Variants in LCA5 observed in about 807,000 individuals in gnomAD.
LCA5 encodes lebercilin.
Under a neutral mutation model 53.0 loss-of-function variants are expected in LCA5, and 37 were observed. The observed-to-expected ratio is 0.70, with a 90% CI of 0.54 to 0.92. The LOEUF (loss-of-function observed/expected upper bound fraction) is 0.92, where lower values mean the gene tolerates loss of function less well. Among genes scored for constraint, LCA5 ranks in the 40% least tolerant of loss-of-function variants. The probability of loss-of-function intolerance (pLI) is 0.00; values close to 1 mark genes in which losing one functional copy is unlikely to be tolerated. For missense variants in LCA5, 806 were observed against 790.5 expected (o/e 1.02, Z -0.23); for synonymous variants, 303 against 282.9 (o/e 1.07, Z -0.71).
intron 3 of LCA5, among the ~76,000 whole-genome samples, chr6:79,504,635 C>G (rs908750780): frequency 1.3e-5 from 2 of 152,028 alleles, no homozygotes; most frequent in African/African-American, 4.8e-5. Flanking sequence ...GATTATAGGT[C>G]ACTATGTATG....
chr6:79,491,481 A>G (rs1370233872), intron 6 of LCA5, 107 bp downstream of exon 6: 5 of 1,172,238 alleles, frequency 4.3e-6, no homozygotes, highest in African/African-American at 3.0e-5. Flanking sequence ...GCATATTCAT[A>G]TAGATATAGT....
At chr6:79,501,724 T>C (rs1770144565) in intron 3 of LCA5, among the ~76,000 whole-genome samples, 1 of 150,708 alleles carries the variant, frequency 6.6e-6, no homozygotes, top group Admixed American at 6.6e-5. Flanking sequence ...GCATATACTA[T>C]ATACATCTAT....
At chr6:79,516,407 G>A (rs1766437775) in intron 2 of LCA5, among the ~76,000 whole-genome samples, 1 of 151,722 alleles carries the variant, frequency 6.6e-6, no homozygotes, top group African/African-American at 2.4e-5. Context: ...TGGTTTTTAT[G>A]TACAAAATTA....
At chr6:79,517,936 A>G (rs1433974634) in intron 2 of LCA5, among the ~76,000 whole-genome samples, 1 of 152,064 alleles carries the variant, frequency 6.6e-6, no homozygotes, top group Non-Finnish European at 1.5e-5. Context: ...CTAAACTCTC[A>G]CCATTTTAAG....
Position 79,486,696 on chromosome 6 carries a change from G to T in LCA5, c.*308C>A, listed in dbSNP as rs1261036512. The T allele has an allele frequency of 4.0e-6, 1 of 247,544 alleles. No homozygotes were observed. Among genetic ancestry groups the T allele is most frequent in the African/African-American group, 2.3e-5 (1 of 43,580 alleles). 15.3% of individuals were successfully genotyped at this position (247,544 alleles called of 1,614,324 possible). On this transcript the variant is annotated 3_prime_UTR_variant, in exon 8 of 8. Coordinates refer to ENST00000369846, the MANE Select transcript of LCA5 (RefSeq NM_001122769.3). Reference sequence around the variant, plus strand: ...AATAAATACATAAATAGGAATAAAAGTAGAAAAGGAATACCACCTCCAGTG... The same window carrying T: ...AATAAATACATAAATAGGAATAAAATTAGAAAAGGAATACCACCTCCAGTG...
At position 79,503,837 on chromosome 6, in the gene LCA5, A is replaced by C. The variant is rs972360879; in HGVS notation, c.720+9375T>G. Among the ~76,000 whole-genome samples, 3 of 152,396 alleles carry C rather than the reference A, an allele frequency of 2.0e-5. No homozygotes were observed. In the East Asian group the frequency reaches 5.8e-4, roughly 29 times the overall value. ...GCGTATAAAGTTCCACTCAGAACTT[A>C]ATAGGTTAAAGGGTAGGTATTAACA... On this transcript the variant is annotated intron_variant, in intron 3 of 7. Coordinates refer to ENST00000369846, the MANE Select transcript of LCA5 (RefSeq NM_001122769.3).
chr6:79,536,535 C>T (rs1767128558), intron 1 of LCA5, among the ~76,000 whole-genome samples: 2 of 152,196 alleles, frequency 1.3e-5, no homozygotes, highest in Non-Finnish European at 2.9e-5. Context: ...TATCTGAGTA[C>T]CGACTCCAAC....
At chr6:79,498,708 A>G (rs534798123) in intron 3 of LCA5, among the ~76,000 whole-genome samples, 1 of 152,222 alleles carries the variant, frequency 6.6e-6, no homozygotes, top group Non-Finnish European at 1.5e-5. Context: ...AATATTAAGA[A>G]GAATTTTTTT....
At chr6:79,511,729 T>C (rs1357545691) in intron 3 of LCA5, among the ~76,000 whole-genome samples, 1 of 151,978 alleles carries the variant, frequency 6.6e-6, no homozygotes, top group East Asian at 1.9e-4. Flanking sequence ...TACAATGAAC[T>C]CAAAATAAAA....
In LCA5 at chr6:79,487,771, G is replaced by GT. The variant is rs1188175909; in HGVS notation, c.1326dup (p.Leu443ThrfsTer11). 6.2e-7 allele frequency: 1 copy of GT among 1,613,190 alleles called. No homozygotes were observed. The highest frequency in any genetic ancestry group is 8.5e-7 in the Non-Finnish European group (1 of 1,179,680). ...ATATTCTGAATTGGATACATTCCTAGTTGGTACCTTCCAGTTTCCCACTCT... is the reference window on the plus strand; with the variant it reads ...ATATTCTGAATTGGATACATTCCTAGTTTGGTACCTTCCAGTTTCCCACTCT... On this transcript the variant is annotated frameshift_variant, in exon 8 of 8. Coordinates refer to ENST00000369846, the MANE Select transcript of LCA5 (RefSeq NM_001122769.3). LOFTEE classifies it low-confidence loss of function (END_TRUNC).
At chr6:79,516,207 C>T (rs1479340998) in intron 2 of LCA5, among the ~76,000 whole-genome samples, 1 of 151,328 alleles carries the variant, frequency 6.6e-6, no homozygotes, top group African/African-American at 2.4e-5. Context: ...TTCCAATGGG[C>T]AGCATTAGTT....
At chr6:79,504,205 G>C (rs1393773351) in intron 3 of LCA5, among the ~76,000 whole-genome samples, 1 of 152,012 alleles carries the variant, frequency 6.6e-6, no homozygotes, top group East Asian at 1.9e-4. Flanking sequence ...ACTGACCCAG[G>C]GACTTCCTCT....
intron 3 of LCA5, 33 bp from the exon 4 acceptor site, chr6:79,493,783 T>A (rs908076334): frequency 7.0e-6 from 11 of 1,562,394 alleles, no homozygotes; most frequent in Admixed American, 1.8e-5. Flanking sequence ...AGCAGTCCTT[T>A]AAAAAAATTC....
intron 1 of LCA5, among the ~76,000 whole-genome samples, chr6:79,519,715 C>CAAAAAAA (rs397887695): frequency 8.0e-5 from 4 of 49,848 alleles, no homozygotes; most frequent in Admixed American, 4.2e-4. Context: ...GACTCCATCT[C>CAAAAAAA]AAAAAAAAAA....
Position 79,491,696 on chromosome 6 carries a change from T to G in LCA5, c.990A>C (p.Thr330=). The stretch of plus-strand genomic sequence containing the variant: ...AGTCTTCCATGGTTTGTACTCCTTT[T>G]GTACACAGGTCTGCAAAATCACTCT... ...ACQSDFADLC[T]KGVQTMEDFK... The change falls in exon 6 of 8, where the codon ACA becomes ACC. Residue 330 remains threonine (T), a synonymous_variant. Transcript: ENST00000369846. The G allele has an allele frequency of 6.2e-7, 1 of 1,613,084 alleles. No individual in the cohort carries two copies. Among genetic ancestry groups the G allele is most frequent in the South Asian group, 1.1e-5 (1 of 91,068 alleles).
intron 3 of LCA5, among the ~76,000 whole-genome samples, chr6:79,495,811 T>C (rs1769969236): frequency 6.6e-6 from 1 of 151,648 alleles, no homozygotes; most frequent in African/African-American, 2.4e-5. Context: ...CTGCAAATAC[T>C]TTTATTTCTG....
chr6:79,512,794 G>A (rs1766272837), intron 3 of LCA5, among the ~76,000 whole-genome samples: 1 of 152,002 alleles, frequency 6.6e-6, no homozygotes, highest in Admixed American at 6.6e-5. Flanking sequence ...CGGGGGAGGA[G>A]GTGCATTCCA....
At chr6:79,525,854 T>C (rs1276600442) in intron 1 of LCA5, among the ~76,000 whole-genome samples, 1 of 152,164 alleles carries the variant, frequency 6.6e-6, no homozygotes, top group Admixed American at 6.5e-5. Flanking sequence ...ACAGCCAAGA[T>C]AACGGTGGAC....
At position 79,535,946 on chromosome 6, in the gene LCA5, A is replaced by AT. The variant is rs371252840; in HGVS notation, c.-192+1218dup. ...AACCCAAGAGAAGGGTAGCATCTTT[A>AT]TTTAATGGGCTTCCATTGTGTCCTA... On this transcript the variant is annotated intron_variant, in intron 1 of 7. Transcript: ENST00000369846. Among the ~76,000 whole-genome samples, 278 of 152,348 alleles carry AT rather than the reference A, an allele frequency of 1.8e-3. 2 individuals carry two copies. The highest frequency in any genetic ancestry group is 6.3e-3 in the African/African-American group (264 of 41,588).
Sources: allele counts gnomAD v4.1 joint callset (sites outside exome capture counted in the v4.1 genomes callset), GRCh38; gene constraint gnomAD v4.1.1; transcripts MANE v1.5; gene names NCBI Gene and HGNC (gene_info 2026-07-23, HGNC 2026-07-21).